The following ARID1B variants were observed in gnomAD, a reference collection of about 807,000 sequenced individuals.
ARID1B encodes the protein AT-rich interaction domain 1B, also known as AT-rich interactive domain-containing protein 1B.
ARID1B carries 30 observed loss-of-function variants against 212.3 expected under a neutral mutation model. The ratio of observed to expected loss-of-function variants is 0.14; its 90% CI spans 0.11 to 0.19. ARID1B has a LOEUF of 0.19. Among genes scored for constraint, ARID1B ranks in the 10% least tolerant of loss-of-function variants. The pLI, the probability that ARID1B is intolerant of heterozygous loss-of-function variation, is 1.00. For missense variants in ARID1B, 2,891 were observed against 3,204.0 expected, an observed-to-expected ratio of 0.90 and a Z score of 2.36; for synonymous variants, 1,402 against 1,301.7, an observed-to-expected ratio of 1.08 and a Z score of -1.66.
At chr6:157,064,982 C>G (rs887766458) in intron 4 of ARID1B, among the ~76,000 whole-genome samples, 1 of 152,198 alleles carries the variant, frequency 6.6e-6, no homozygotes, top group African/African-American at 2.4e-5. Flanking sequence ...CCAAATGGCT[C>G]AACCCATTCT....
At chr6:157,194,469 A>G (rs1406985437) in intron 15 of ARID1B, 1 of 152,264 alleles carries the variant, frequency 6.6e-6, no homozygotes, top group Non-Finnish European at 1.5e-5. Context: ...CTATCATAGG[A>G]TGGAGAAAGG....
intron 4 of ARID1B, among the ~76,000 whole-genome samples, chr6:157,072,837 T>C (rs893841722): frequency 6.6e-6 from 1 of 152,216 alleles, no homozygotes; most frequent in Non-Finnish European, 1.5e-5. Flanking sequence ...GGCTTAGAGA[T>C]GTTAAATCAC....
intron 2 of ARID1B, among the ~76,000 whole-genome samples, chr6:156,837,464 C>T (rs191077365): frequency 6.6e-6 from 1 of 152,258 alleles, no homozygotes; most frequent in Non-Finnish European, 1.5e-5. Flanking sequence ...CTTTAACTCT[C>T]ATGAGGTAGG....
chr6:156,855,272 G>T (rs1489457117), intron 2 of ARID1B, among the ~76,000 whole-genome samples: 1 of 152,128 alleles, frequency 6.6e-6, no homozygotes, highest in South Asian at 2.1e-4. Flanking sequence ...GCCCATTAGC[G>T]AGCACATTGT....
At chr6:156,857,833 T>C (rs1422941657) in intron 2 of ARID1B, among the ~76,000 whole-genome samples, 2 of 152,214 alleles carry the variant, frequency 1.3e-5, no homozygotes, top group Non-Finnish European at 2.9e-5. Flanking sequence ...ACCTAGGCTA[T>C]ATAACAGAGC....
At chr6:156,833,000 C>T (rs143889585) in intron 2 of ARID1B, among the ~76,000 whole-genome samples, 22 of 152,284 alleles carry the variant, frequency 1.4e-4, no homozygotes, top group African/African-American at 4.8e-4. Context: ...ATTAGTTTTG[C>T]ACGGTGCCCT....
At chr6:156,962,192 G>A (rs541072240) in intron 4 of ARID1B, among the ~76,000 whole-genome samples, 3 of 152,118 alleles carry the variant, frequency 2.0e-5, no homozygotes, top group Non-Finnish European at 2.9e-5. Context: ...CCAGCTACTC[G>A]GAAGGCTGAG....
intron 18 of ARID1B, among the ~76,000 whole-genome samples, chr6:157,202,199 T>C (rs1794159477): frequency 6.6e-6 from 1 of 152,224 alleles, no homozygotes; most frequent in Non-Finnish European, 1.5e-5. Flanking sequence ...TTGTTTATCC[T>C]CTGTGGGATG....
At chr6:156,965,083 A>G (rs1029698856) in intron 4 of ARID1B, among the ~76,000 whole-genome samples, 2 of 152,120 alleles carry the variant, frequency 1.3e-5, no homozygotes, top group Admixed American at 1.3e-4. Flanking sequence ...TCTCTTCCCT[A>G]TGTCCTGTAT....
intron 4 of ARID1B, chr6:156,935,788 G>A: frequency 4.2e-6 from 2 of 473,228 alleles, no homozygotes; most frequent in South Asian, 4.8e-5. Flanking sequence ...CTGTTGCAGA[G>A]TGTAGACATC....
chr6:157,206,774 A>G lies in ARID1B; in HGVS notation c.6002A>G (p.Asp2001Gly). The G allele has an allele frequency of 6.2e-7, 1 of 1,613,770 alleles. No homozygotes were observed. Among genetic ancestry groups the G allele is most frequent in the Non-Finnish European group, 8.5e-7 (1 of 1,180,022 alleles). ...QQEKSIIATI[D>G]DVLSARPGAL... ...GAGAAAAGCATCATAGCAACCATCGATGACGTCCTCTCTGCTCGGCCAGGG... is the reference window on the plus strand; with the variant it reads ...GAGAAAAGCATCATAGCAACCATCGGTGACGTCCTCTCTGCTCGGCCAGGG... Residue 2001 changes from aspartate to glycine, a missense_variant, in exon 20 of 20, where the codon GAT (aspartate) becomes GGT (glycine). Around this residue, in one of 7 missense-constraint regions of ARID1B, gnomAD observed 332 missense variants for 369.2 expected, o/e 0.90. Coordinates refer to ENST00000636930, the MANE Select transcript of ARID1B (RefSeq NM_001374828.1). The surrounding 1 kb of genome is among the most constrained non-coding windows in gnomAD (Gnocchi z 6.8).
chr6:156,883,735 G>A (rs894254359), intron 2 of ARID1B, among the ~76,000 whole-genome samples: 3 of 152,052 alleles, frequency 2.0e-5, no homozygotes, highest in Non-Finnish European at 4.4e-5. Flanking sequence ...GAGAGTTGCC[G>A]GCTCCTCTGA....
chr6:157,140,780 T>C (rs1009500354), intron 7 of ARID1B: 1 of 397,066 alleles, frequency 2.5e-6, no homozygotes, highest in Non-Finnish European at 4.4e-6. Context: ...GCCTCTGACG[T>C]TAGCCCTGGT....
intron 4 of ARID1B, among the ~76,000 whole-genome samples, chr6:157,057,489 A>G (rs761071963): frequency 5.3e-5 from 8 of 151,796 alleles, no homozygotes; most frequent in Non-Finnish European, 8.8e-5. Flanking sequence ...AGGTTTCACT[A>G]TGTTGTGCAG....
At chr6:156,984,093 G>C (rs1340430893) in intron 4 of ARID1B, among the ~76,000 whole-genome samples, 2 of 152,118 alleles carry the variant, frequency 1.3e-5, no homozygotes, top group Non-Finnish European at 2.9e-5. Flanking sequence ...TTCTGGCTGG[G>C]TTTCTTGCAC....
intron 4 of ARID1B, among the ~76,000 whole-genome samples, chr6:156,987,069 T>C (rs949321487): frequency 1.2e-4 from 18 of 151,296 alleles, no homozygotes; most frequent in Non-Finnish European, 1.9e-4. Context: ...TCGCAGCTGC[T>C]CAGGAGGCTG....
At chr6:157,204,047 G>A (rs772193034) in intron 19 of ARID1B, 51 bp downstream of exon 19, 1 of 1,607,924 alleles carries the variant, frequency 6.2e-7, no homozygotes, top group Non-Finnish European at 8.5e-7. Context: ...GAGAGCATCA[G>A]GCCATGCACA....
Position 157,207,853 on chromosome 6 carries a change from G to A in ARID1B, c.7081G>A (p.Val2361Ile), listed in dbSNP as rs2128399707. ...SAVLNSLVAS[V>I]ICDVLFQIGQ... ...TGTCCTGAACTCTCTGGTTGCATCT[G>A]TCATCTGTGATGTACTGTTTCAGAT... The change falls in exon 20 of 20, where the codon GTC becomes ATC. Residue 2361 changes from valine (V) to isoleucine (I), a missense_variant. This residue lies in a region of ARID1B where 187 missense variants were observed against 306.5 expected (regional missense o/e 0.61). Transcript: ENST00000636930. The surrounding 1 kb of genome is among the most constrained non-coding windows in gnomAD (Gnocchi z 8.5). 6.6e-7 allele frequency: 1 copy of A among 1,514,582 alleles called. No individual in the cohort carries two copies. Among genetic ancestry groups the A allele is most frequent in the Non-Finnish European group, 8.9e-7 (1 of 1,129,932 alleles). The allele number at this position is 1,514,582 out of a possible 1,614,324, so 93.8% of individuals were successfully genotyped here. A position where few individuals can be genotyped will look rare whatever the true frequency, so the allele number is the denominator to read the frequency against.
intron 2 of ARID1B, among the ~76,000 whole-genome samples, chr6:156,880,130 G>C (rs1786923456): frequency 1.3e-5 from 2 of 152,140 alleles, no homozygotes. Context: ...AGCCTGGGAG[G>C]AAAAAGAGAT....
Sources: gnomAD v4.1 joint callset for allele counts (sites outside exome capture counted in the v4.1 genomes callset) on GRCh38, gnomAD v4.1.1 for gene constraint, gnomAD v4.1.1 regional missense constraint, Gnocchi (gnomAD v3.1) non-coding constraint, MANE v1.5 for transcripts, NCBI Gene and HGNC (gene_info 2026-07-23, HGNC 2026-07-21) for gene names.